ASNS: variants seen among roughly 807,000 people sequenced by gnomAD.
The protein encoded by ASNS is asparagine synthetase (glutamine-hydrolyzing).
A neutral mutation model predicts 62.6 loss-of-function variants in ASNS; 37 were observed. The ratio of observed to expected loss-of-function variants is 0.59; its 90% CI spans 0.45 to 0.78. ASNS has a LOEUF of 0.78. Among genes scored for constraint, ASNS ranks in the 30% least tolerant of loss-of-function variants. The pLI, the probability that ASNS is intolerant of heterozygous loss-of-function variation, is 0.00. For missense variants in ASNS, 520 were observed against 682.4 expected, an observed-to-expected ratio of 0.76 and a Z score of 2.65; for synonymous variants, 207 against 237.9, an observed-to-expected ratio of 0.87 and a Z score of 1.19.
rs1295391007 is a variant in ASNS, at chr7:97,872,408, T to G, written c.-117A>C. On this transcript the variant is annotated 5_prime_UTR_variant, in exon 1 of 13. Coordinates refer to ENST00000394308, the MANE Select transcript of ASNS (RefSeq NM_001673.5). ...GCTGAGGCCAGGGATGTGGACAGCT[T>G]GACGGGCGGCGAGGCCGCTGGCGCT... 6.6e-6 allele frequency: 1 copy of G among 152,370 alleles called. No homozygotes were observed. The highest frequency in any genetic ancestry group is 1.5e-5 in the Non-Finnish European group (1 of 68,484). 9.4% of individuals were successfully genotyped at this position (152,370 alleles called of 1,614,324 possible).
chr7:97,894,369 A>G, the ASNS span, among the ~76,000 whole-genome samples: 1 of 152,004 alleles, frequency 6.6e-6, no homozygotes, highest in African/African-American at 2.4e-5. Flanking sequence ...TATAAATAAC[A>G]TAGCAGAACC....
the ASNS span, among the ~76,000 whole-genome samples, chr7:97,893,770 A>G: frequency 6.6e-6 from 1 of 152,348 alleles, no homozygotes; most frequent in African/African-American, 2.4e-5. Context: ...GTCCAATACA[A>G]TGATAGTTGA....
At chr7:97,900,360 C>CAAAAAAAA in the ASNS span, among the ~76,000 whole-genome samples, 1 of 89,380 alleles carries the variant, frequency 1.1e-5, no homozygotes, top group African/African-American at 5.4e-5. Flanking sequence ...GACTTTGTCT[C>CAAAAAAAA]AAAAAAAAAA....
the ASNS span, among the ~76,000 whole-genome samples, chr7:97,899,791 A>AC: frequency 5.1e-4 from 78 of 151,776 alleles, 1 homozygote; most frequent in East Asian, 0.015. Context: ...GGTAGACAAC[A>AC]ATAGGTGTAT....
chr7:97,907,550 T>C, the ASNS span, among the ~76,000 whole-genome samples: 9 of 152,048 alleles, frequency 5.9e-5, no homozygotes, highest in African/African-American at 1.9e-4. Flanking sequence ...CGGTGGATCA[T>C]GAGGTCAGGA....
rs772499410 is a variant in ASNS at position 97,864,496 on chromosome 7, T to C, written c.250A>G (p.Met84Val). 5 of 1,612,526 alleles carry C rather than the reference T, an allele frequency of 3.1e-6. No homozygotes were observed. Among genetic ancestry groups the C allele is most frequent in the Non-Finnish European group, 4.2e-6 (5 of 1,178,824 alleles). ...TATTCAAATTCAAAATGCTGTTGCA[T>C]CTTAGGAAGCGAAAGCAAAACCAAA... Reference protein sequence around the residue: ...YNGEIYNHKKMQQHFEFEYQT... With the variant: ...YNGEIYNHKKVQQHFEFEYQT... The change falls in exon 4 of 13, where the codon ATG becomes GTG. Residue 84 changes from methionine to valine, a missense_variant and splice_region_variant. By Grantham distance (21) the Met-to-Val change is conservative. Coordinates refer to ENST00000394308, the MANE Select transcript of ASNS (RefSeq NM_001673.5).
At chr7:97,900,937 A>G in the ASNS span, among the ~76,000 whole-genome samples, 134,369 of 152,094 alleles carry the variant, frequency 0.88, 59,420 homozygotes, top group Middle Eastern at 0.93. Flanking sequence ...CCAATTCCAC[A>G]TAGTCCAAAG....
At chr7:97,902,474 G>C in the ASNS span, among the ~76,000 whole-genome samples, 3 of 152,164 alleles carry the variant, frequency 2.0e-5, no homozygotes, top group Non-Finnish European at 4.4e-5. Flanking sequence ...CATTTTGGGA[G>C]GCCGAGATGA....
At chr7:97,896,707 T>TAC in the ASNS span, among the ~76,000 whole-genome samples, 74 of 27,658 alleles carry the variant, frequency 2.7e-3, no homozygotes, top group East Asian at 8.5e-3. Context: ...TATGTGTATA[T>TAC]ATATACACAC....
At chr7:97,920,571 C>A in the ASNS span, among the ~76,000 whole-genome samples, 10 of 152,176 alleles carry the variant, frequency 6.6e-5, no homozygotes, top group African/African-American at 2.4e-4. Context: ...GTAACCTGCC[C>A]CCTTCCAGCT....
Position 97,851,925 on chromosome 7 carries a change from G to C in ASNS, c.*334C>G. On this transcript the variant is annotated 3_prime_UTR_variant, in exon 13 of 13. Transcript: ENST00000394308. ...CCTTTGATGACGTCCCTAAGATGAGGCAAGGACTGGAAGGAAGCCACACGG... is the reference window on the plus strand; with the variant it reads ...CCTTTGATGACGTCCCTAAGATGAGCCAAGGACTGGAAGGAAGCCACACGG... The C allele has an allele frequency of 3.2e-6, 1 of 308,696 alleles. No individual in the cohort carries two copies. Among genetic ancestry groups the C allele is most frequent in the South Asian group, 3.9e-5 (1 of 25,894 alleles). The allele number at this position is 308,696 out of a possible 1,614,324, so 19.1% of individuals were successfully genotyped here.
chr7:97,856,236 A>G (rs1327648963), intron 8 of ASNS, among the ~76,000 whole-genome samples: 1 of 152,234 alleles, frequency 6.6e-6, no homozygotes, highest in Non-Finnish European at 1.5e-5. Flanking sequence ...ATCTCAGTAG[A>G]TACATTATCT....
At chr7:97,875,210 A>ATC (rs1792413006), upstream of ASNS, among the ~76,000 whole-genome samples, 1 of 152,128 alleles carries the variant, frequency 6.6e-6, no homozygotes, top group Non-Finnish European at 1.5e-5. Flanking sequence ...CAGTGGTGCA[A>ATC]TCTCAGCTCA....
the ASNS span, among the ~76,000 whole-genome samples, chr7:97,903,466 G>A: frequency 3.3e-5 from 5 of 152,100 alleles, no homozygotes; most frequent in East Asian, 1.9e-4. Context: ...ACACACATCC[G>A]GAGACCAAGA....
At chr7:97,861,707 T>A (rs1172192594) in intron 4 of ASNS, among the ~76,000 whole-genome samples, 1 of 152,212 alleles carries the variant, frequency 6.6e-6, no homozygotes, top group African/African-American at 2.4e-5. Context: ...AAAGAACTCA[T>A]CTGGGATTCT....
chr7:97,853,335 CAAGT>C lies in ASNS; in HGVS notation c.1286_1289del (p.Tyr429CysfsTer7), dbSNP rs769360935. ...GAATTCTCATTTCTGGTGGCAGAGA[CAAGT>C]AATAGGAAGAAAATCGATGATCTAG... On this transcript the variant is annotated frameshift_variant, in exon 11 of 13. Transcript: ENST00000394308. LOFTEE classifies it high-confidence loss of function. 3 of 1,613,332 alleles carry C rather than the reference CAAGT, an allele frequency of 1.9e-6. No homozygotes were observed. The highest frequency in any genetic ancestry group is 2.2e-5 in the South Asian group (2 of 91,050).
chr7:97,874,180 G>A (rs558764710), upstream of ASNS, among the ~76,000 whole-genome samples: 1 of 152,262 alleles, frequency 6.6e-6, no homozygotes, highest in Admixed American at 6.5e-5. Context: ...TCTCAGGGAC[G>A]TTCCATGCTG....
the ASNS span, among the ~76,000 whole-genome samples, chr7:97,907,840 C>A: frequency 1.4e-4 from 21 of 150,606 alleles, no homozygotes; most frequent in African/African-American, 5.1e-4. Flanking sequence ...AGAGTATAAT[C>A]CAAGAATTTT....
the ASNS span, among the ~76,000 whole-genome samples, chr7:97,912,855 T>C: frequency 2.0e-5 from 3 of 151,608 alleles, no homozygotes; most frequent in African/African-American, 4.8e-5. Context: ...GTGCTAGGAC[T>C]ACAGGCATGA....
Sources: allele counts gnomAD v4.1 joint callset (sites outside exome capture counted in the v4.1 genomes callset), GRCh38; gene constraint gnomAD v4.1.1; transcripts MANE v1.5; gene names NCBI Gene and HGNC (gene_info 2026-07-23, HGNC 2026-07-21).